NELL1: variants seen among roughly 807,000 people sequenced by gnomAD.
NELL1 encodes the protein neural EGFL like 1, also known as protein kinase C-binding protein NELL1.
In NELL1, 76 loss-of-function variants were observed where a neutral mutation model predicts 107.4. The ratio of observed to expected loss-of-function variants is 0.71; its 90% CI spans 0.59 to 0.86. The LOEUF (loss-of-function observed/expected upper bound fraction) is 0.86, where lower values mean the gene tolerates loss of function less well. Ranked by LOEUF, NELL1 falls within the 40% of genes least tolerant of loss-of-function variation. The pLI, the probability that NELL1 is intolerant of heterozygous loss-of-function variation, is 0.00. For missense variants in NELL1, 1,024 were observed against 1,005.5 expected (o/e 1.02, Z -0.25); for synonymous variants, 353 against 341.2 (o/e 1.03, Z -0.38).
intron 3 of NELL1, among the ~76,000 whole-genome samples, chr11:20,812,023 G>A (rs1375270215): frequency 6.6e-6 from 1 of 152,134 alleles, no homozygotes; most frequent in Admixed American, 6.5e-5. Context: ...CCAGATTGTA[G>A]AGAGAAAGCT....
intron 12 of NELL1, among the ~76,000 whole-genome samples, chr11:21,042,075 A>G (rs954690111): frequency 2.0e-5 from 3 of 152,242 alleles, no homozygotes; most frequent in Admixed American, 6.5e-5. Context: ...TTTAGCTTGA[A>G]TACATCATTT....
At position 20,847,643 on chromosome 11, in the gene NELL1, T is replaced by G. The variant is rs755627698; in HGVS notation, c.396T>G (p.Asn132Lys). 3 of 1,613,846 alleles carry G rather than the reference T, an allele frequency of 1.9e-6. No homozygotes were observed. Among genetic ancestry groups the G allele is most frequent in the Non-Finnish European group, 2.5e-6 (3 of 1,179,854 alleles). ...RDEIRYHYIH[N>K]GKPRTEALPY... is the part of the protein sequence containing the mutation. The stretch of plus-strand genomic sequence containing the variant: ...AGATTCGGTATCACTACATACACAA[T>G]GGGAAGCCAAGGACAGAGGCACTTC... The change falls in exon 4 of 20, where the codon AAT becomes AAG. Residue 132 changes from asparagine (N) to lysine (K), a missense_variant. Coordinates refer to ENST00000357134, the MANE Select transcript of NELL1 (RefSeq NM_006157.5).
chr11:20,839,214 G>A (rs1848581574), intron 3 of NELL1, among the ~76,000 whole-genome samples: 1 of 152,160 alleles, frequency 6.6e-6, no homozygotes, highest in South Asian at 2.1e-4. Flanking sequence ...TTTTTAAAGA[G>A]TGTAATAGAA....
chr11:21,109,181 A>G (rs1855045144), intron 12 of NELL1, among the ~76,000 whole-genome samples: 1 of 152,064 alleles, frequency 6.6e-6, no homozygotes, highest in East Asian at 1.9e-4. Context: ...TGCTCCATAT[A>G]AAGTATCTAG....
At chr11:21,491,757 G>T (rs1393657760) in intron 15 of NELL1, among the ~76,000 whole-genome samples, 2 of 151,974 alleles carry the variant, frequency 1.3e-5, no homozygotes, top group African/African-American at 2.4e-5. Context: ...AGCTTGATGG[G>T]GATGGCACTG....
intron 2 of NELL1, 53 bp from the exon 3 acceptor site, chr11:20,783,627 C>T: frequency 7.4e-7 from 1 of 1,354,940 alleles, no homozygotes; most frequent in East Asian, 2.4e-5. Context: ...TCTACTCCTT[C>T]TCCTTCCTCT....
chr11:21,183,833 T>C (rs1856877783), intron 13 of NELL1, among the ~76,000 whole-genome samples: 1 of 151,716 alleles, frequency 6.6e-6, no homozygotes, highest in African/African-American at 2.4e-5. Context: ...GGTTAGAAAA[T>C]GAGTCACATC....
At chr11:21,370,092 T>G (rs1429484142) in intron 14 of NELL1, among the ~76,000 whole-genome samples, 2 of 151,534 alleles carry the variant, frequency 1.3e-5, no homozygotes, top group African/African-American at 2.4e-5. Context: ...AATGGAGAGG[T>G]TCATGGAGCT....
At chr11:21,143,212 C>T (rs1454095142) in intron 13 of NELL1, among the ~76,000 whole-genome samples, 2 of 152,112 alleles carry the variant, frequency 1.3e-5, no homozygotes, top group African/African-American at 4.8e-5. Flanking sequence ...CACTGGAATT[C>T]ATGAACAGTT....
intron 15 of NELL1, among the ~76,000 whole-genome samples, chr11:21,392,079 A>C (rs1851891688): frequency 6.6e-6 from 1 of 151,786 alleles, no homozygotes; most frequent in African/African-American, 2.4e-5. Flanking sequence ...AGATTGTAAA[A>C]TTCAGTTTGT....
At chr11:21,334,610 T>C (rs1850345932) in intron 14 of NELL1, among the ~76,000 whole-genome samples, 1 of 152,000 alleles carries the variant, frequency 6.6e-6, no homozygotes, top group South Asian at 2.1e-4. Flanking sequence ...TTCTATTATA[T>C]CTTTGTAGAA....
intron 5 of NELL1, among the ~76,000 whole-genome samples, chr11:20,917,962 G>A (rs1850293327): frequency 6.6e-6 from 1 of 151,874 alleles, no homozygotes; most frequent in South Asian, 2.1e-4. Context: ...GCATTAACTA[G>A]TGGTAACTAA....
At chr11:21,496,472 T>A (rs1286117155) in intron 15 of NELL1, among the ~76,000 whole-genome samples, 1 of 150,224 alleles carries the variant, frequency 6.7e-6, no homozygotes, top group Non-Finnish European at 1.5e-5. Flanking sequence ...TGCAGTGGCA[T>A]GGTCTCAGCT....
intron 13 of NELL1, among the ~76,000 whole-genome samples, chr11:21,131,335 A>G (rs1855611956): frequency 6.6e-6 from 1 of 152,378 alleles, no homozygotes; most frequent in Non-Finnish European, 1.5e-5. Flanking sequence ...TTGTGTCAGC[A>G]TTCACCATGA....
In NELL1 at chr11:21,141,737, TTTTATTTATTTATTTA is replaced by T. The variant is rs201651937; in HGVS notation, c.1426+28051_1426+28066del. 9.5e-5 allele frequency among the ~76,000 whole-genome samples: 14 copies of T among 147,650 alleles called. No individual in the cohort carries two copies. In the East Asian group the frequency reaches 1.0e-3, roughly 11 times the overall value. On this transcript the variant is annotated intron_variant, in intron 13 of 19. Coordinates refer to ENST00000357134, the MANE Select transcript of NELL1 (RefSeq NM_006157.5). The stretch of plus-strand genomic sequence containing the variant: ...ATTGTATACCCTCCTCCTCTATCCT[TTTTATTTATTTATTTA>T]TTTATTTATTTATTTATTTATTTAT...
intron 2 of NELL1, among the ~76,000 whole-genome samples, chr11:20,718,516 C>G (rs1041019547): frequency 6.6e-6 from 1 of 151,298 alleles, no homozygotes; most frequent in Non-Finnish European, 1.5e-5. Context: ...CACTGAGCAT[C>G]AGCTATGTGC....
At chr11:21,231,274 AAACTAGTCACCT>A (rs1234719225) in intron 14 of NELL1, among the ~76,000 whole-genome samples, 2 of 152,222 alleles carry the variant, frequency 1.3e-5, no homozygotes, top group African/African-American at 4.8e-5. Context: ...GGAAACATGC[AAACTAGTCACCT>A]TATTGCCCAT....
At chr11:21,350,178 C>T (rs1020406880) in intron 14 of NELL1, among the ~76,000 whole-genome samples, 1 of 152,062 alleles carries the variant, frequency 6.6e-6, no homozygotes, top group African/African-American at 2.4e-5. Flanking sequence ...CATTTTCTCT[C>T]ATGCTCACTG....
intron 14 of NELL1, among the ~76,000 whole-genome samples, chr11:21,316,082 G>A (rs1849874731): frequency 6.6e-6 from 1 of 151,998 alleles, no homozygotes; most frequent in Admixed American, 6.6e-5. Flanking sequence ...ATATCAATTT[G>A]TCAAAAATAT....
Sources: allele counts gnomAD v4.1 joint callset (sites outside exome capture counted in the v4.1 genomes callset), GRCh38; gene constraint gnomAD v4.1.1; transcripts MANE v1.5; gene names NCBI Gene and HGNC (gene_info 2026-07-23, HGNC 2026-07-21).